Variants in RABGAP1L observed in about 807,000 individuals in gnomAD.
RABGAP1L encodes the protein RAB GTPase activating protein 1 like.
A neutral mutation model predicts 137.7 loss-of-function variants in RABGAP1L; 63 were observed. The observed-to-expected ratio is 0.46, with a 90% CI of 0.37 to 0.56. The LOEUF (loss-of-function observed/expected upper bound fraction) is 0.56, where lower values mean the gene tolerates loss of function less well. Among genes scored for constraint, RABGAP1L ranks in the 20% least tolerant of loss-of-function variants. The probability of loss-of-function intolerance (pLI) is 0.00; values close to 1 mark genes in which losing one functional copy is unlikely to be tolerated. For synonymous variants in RABGAP1L, 431 were observed against 433.7 expected (o/e 0.99, Z 0.08); for missense variants, 1,095 against 1,244.0 (o/e 0.88, Z 1.80).
intron 1 of RABGAP1L, among the ~76,000 whole-genome samples, chr1:174,162,778 T>G (rs12726801): frequency 1.3e-4 from 3 of 23,142 alleles, no homozygotes; most frequent in South Asian, 1.5e-3. Context: ...TCTCTTTCTG[T>G]TTTTTTTTTT....
intron 19 of RABGAP1L, among the ~76,000 whole-genome samples, chr1:174,860,090 G>A (rs1353750980): frequency 6.6e-6 from 1 of 150,504 alleles, no homozygotes; most frequent in African/African-American, 2.4e-5. Flanking sequence ...CCTCCTTCAT[G>A]ACAAAATTCA....
At chr1:174,356,882 C>G (rs989544294) in intron 11 of RABGAP1L, among the ~76,000 whole-genome samples, 1 of 152,090 alleles carries the variant, frequency 6.6e-6, no homozygotes, top group Admixed American at 6.6e-5. Flanking sequence ...GTGTCAGTTA[C>G]TATGTTTAGT....
At chr1:174,357,069 G>A (rs569894295) in intron 11 of RABGAP1L, among the ~76,000 whole-genome samples, 2 of 152,204 alleles carry the variant, frequency 1.3e-5, no homozygotes, top group African/African-American at 2.4e-5. Flanking sequence ...CAGTAGATGA[G>A]GAAAATGTTC....
intron 1 of RABGAP1L, among the ~76,000 whole-genome samples, chr1:174,216,255 AT>A (rs1187850214): frequency 1.3e-5 from 2 of 152,170 alleles, no homozygotes; most frequent in Non-Finnish European, 2.9e-5. Context: ...AGCAGGGTGA[AT>A]GTAGTCAATT....
At chr1:174,532,134 G>A (rs902343060) in intron 13 of RABGAP1L, among the ~76,000 whole-genome samples, 1 of 152,066 alleles carries the variant, frequency 6.6e-6, no homozygotes, top group Non-Finnish European at 1.5e-5. Context: ...CAACTCGACA[G>A]CTGATTAGAG....
chr1:174,820,890 G>A (rs1690947837), intron 19 of RABGAP1L, among the ~76,000 whole-genome samples: 1 of 151,906 alleles, frequency 6.6e-6, no homozygotes, highest in African/African-American at 2.4e-5. Flanking sequence ...GGTGGCACGT[G>A]CCTATAATCC....
intron 13 of RABGAP1L, among the ~76,000 whole-genome samples, chr1:174,496,435 C>G (rs60974322): frequency 0.017 from 2,586 of 152,234 alleles, 73 homozygotes; most frequent in African/African-American, 0.059. Context: ...AAAGACGACC[C>G]TCTAAGGGAT....
At chr1:174,255,458 A>G (rs1197988190) in intron 7 of RABGAP1L, among the ~76,000 whole-genome samples, 1 of 152,228 alleles carries the variant, frequency 6.6e-6, no homozygotes, top group African/African-American at 2.4e-5. Context: ...GATTGTTACC[A>G]ATATCTCAGT....
At chr1:174,913,122 T>C (rs953104328) in intron 19 of RABGAP1L, among the ~76,000 whole-genome samples, 1 of 152,166 alleles carries the variant, frequency 6.6e-6, no homozygotes, top group Non-Finnish European at 1.5e-5. Context: ...ATTACAAGTG[T>C]ATGCCACCAC....
At chr1:174,676,097 A>G (rs2148460738) in intron 14 of RABGAP1L, among the ~76,000 whole-genome samples, 1 of 152,312 alleles carries the variant, frequency 6.6e-6, no homozygotes, top group East Asian at 1.9e-4. Flanking sequence ...TGCAGCCTGA[A>G]AAGTAATTTA....
At chr1:174,968,516 T>C (rs1304713761) in intron 20 of RABGAP1L, among the ~76,000 whole-genome samples, 1 of 151,202 alleles carries the variant, frequency 6.6e-6, no homozygotes, top group Non-Finnish European at 1.5e-5. Flanking sequence ...TTTTTTTCTT[T>C]CTTTTTGTTT....
At chr1:174,561,099 A>G (rs1057138894) in intron 13 of RABGAP1L, among the ~76,000 whole-genome samples, 2 of 152,146 alleles carry the variant, frequency 1.3e-5, no homozygotes, top group Non-Finnish European at 2.9e-5. Context: ...AGATGACATG[A>G]TCGTATATTT....
chr1:174,614,897 C>T (rs1054005261), intron 13 of RABGAP1L, among the ~76,000 whole-genome samples: 36 of 152,212 alleles, frequency 2.4e-4, no homozygotes, highest in African/African-American at 7.7e-4. Flanking sequence ...GCATTCTTCA[C>T]GTAGTTCTCG....
intron 14 of RABGAP1L, among the ~76,000 whole-genome samples, chr1:174,681,750 G>A (rs1248824014): frequency 1.2e-4 from 19 of 152,132 alleles, no homozygotes; most frequent in Admixed American, 1.2e-3. Context: ...TCTGTGCTCT[G>A]ACAACTTTGG....
In RABGAP1L at chr1:174,183,867, C is replaced by CTTTT. The variant is rs772022782; in HGVS notation, c.-34+24223_-34+24226dup. 4.9e-3 allele frequency among the ~76,000 whole-genome samples: 641 copies of CTTTT among 130,512 alleles called. 18 individuals carry two copies. The highest frequency in any genetic ancestry group is 0.017 in the Middle Eastern group (4 of 240). The allele number at this position is 130,512 out of a possible 152,430, so 85.6% of individuals were successfully genotyped here. On this transcript the variant is annotated intron_variant, in intron 1 of 25. Coordinates refer to ENST00000681986, the MANE Select transcript of RABGAP1L (RefSeq NM_001366446.1). ...AGAATATACAGCCCTTTCAGATTGG[C>CTTTT]TTTTTTTTTTTTTTTTGAGATGGAG... is the stretch of plus-strand genomic sequence containing the variant.
chr1:174,735,689 C>T (rs1410548994), intron 17 of RABGAP1L, among the ~76,000 whole-genome samples: 1 of 144,980 alleles, frequency 6.9e-6, no homozygotes, highest in African/African-American at 2.5e-5. Flanking sequence ...TTTTGATTGG[C>T]TTGTGATTCT....
intron 10 of RABGAP1L, among the ~76,000 whole-genome samples, chr1:174,303,456 G>A (rs565142322): frequency 1.5e-4 from 23 of 152,216 alleles, no homozygotes; most frequent in African/African-American, 5.5e-4. Flanking sequence ...ATGATGGCAT[G>A]CCATATTGAA....
At chr1:174,863,455 C>T (rs1413539210) in intron 19 of RABGAP1L, among the ~76,000 whole-genome samples, 4 of 146,652 alleles carry the variant, frequency 2.7e-5, no homozygotes, top group Non-Finnish European at 4.5e-5. Flanking sequence ...GGGTGGATCA[C>T]GAGGTCAGGA....
intron 10 of RABGAP1L, among the ~76,000 whole-genome samples, chr1:174,281,203 T>C (rs574171928): frequency 6.6e-6 from 1 of 152,320 alleles, no homozygotes; most frequent in Admixed American, 6.5e-5. Flanking sequence ...AGCGGGTTGC[T>C]GCTGCTGGCT....
Sources: allele counts gnomAD v4.1 joint callset (sites outside exome capture counted in the v4.1 genomes callset), GRCh38; gene constraint gnomAD v4.1.1; transcripts MANE v1.5; gene names NCBI Gene and HGNC (gene_info 2026-07-23, HGNC 2026-07-21).